The following KDM4C variants were observed in gnomAD, a reference collection of about 807,000 sequenced individuals.
KDM4C encodes lysine demethylase 4C.
KDM4C carries 81 observed loss-of-function variants against 129.3 expected under a neutral mutation model. The ratio of observed to expected loss-of-function variants is 0.63; its 90% CI spans 0.52 to 0.75. The LOEUF is 0.75. Ranked by LOEUF, KDM4C falls within the 30% of genes least tolerant of loss-of-function variation. The probability of loss-of-function intolerance (pLI) is 0.00; values close to 1 mark genes in which losing one functional copy is unlikely to be tolerated. For synonymous variants in KDM4C, 573 were observed against 456.1 expected (o/e 1.26, Z -3.26); for missense variants, 1,457 against 1,304.0 (o/e 1.12, Z -1.81).
chr9:6,865,431 G>C (rs1006362390), intron 5 of KDM4C, among the ~76,000 whole-genome samples: 2 of 152,176 alleles, frequency 1.3e-5, no homozygotes, highest in African/African-American at 4.8e-5. Context: ...TATGTTATTA[G>C]GGCCAGTCAG....
chr9:6,937,435 G>A (rs1825022438), intron 8 of KDM4C, among the ~76,000 whole-genome samples: 1 of 152,026 alleles, frequency 6.6e-6, no homozygotes, highest in Non-Finnish European at 1.5e-5. Context: ...GTTGCAGTTA[G>A]GTTTTGTTTT....
intron 6 of KDM4C, among the ~76,000 whole-genome samples, chr9:6,885,361 G>T (rs1231581050): frequency 6.6e-6 from 1 of 152,138 alleles, no homozygotes; most frequent in Non-Finnish European, 1.5e-5. Flanking sequence ...CCTTTGGATG[G>T]GTATAGCACG....
intron 15 of KDM4C, among the ~76,000 whole-genome samples, chr9:7,020,993 C>G (rs1289367000): frequency 6.6e-6 from 1 of 151,126 alleles, no homozygotes; most frequent in Non-Finnish European, 1.5e-5. Context: ...TACCTCCTAG[C>G]CTCTGGTAAC....
At chr9:6,742,558 CTT>C (rs113102026) in intron 1 of KDM4C, among the ~76,000 whole-genome samples, 21 of 139,324 alleles carry the variant, frequency 1.5e-4, no homozygotes, top group Admixed American at 2.9e-4. Flanking sequence ...GTTTCTTCAA[CTT>C]TTTTTTTTTT....
chr9:6,907,107 G>C (rs1245371859), intron 8 of KDM4C, among the ~76,000 whole-genome samples: 1 of 152,136 alleles, frequency 6.6e-6, no homozygotes, highest in Non-Finnish European at 1.5e-5. Context: ...AAAAATCTCT[G>C]CTATACAGCT....
At chr9:6,878,411 GAT>G (rs2130752356) in intron 5 of KDM4C, among the ~76,000 whole-genome samples, 1 of 152,288 alleles carries the variant, frequency 6.6e-6, no homozygotes, top group Non-Finnish European at 1.5e-5. Context: ...ATTTGGCTAA[GAT>G]AGGAATAGCT....
At chr9:7,130,077 C>T (rs1171078967) in intron 19 of KDM4C, among the ~76,000 whole-genome samples, 1 of 152,166 alleles carries the variant, frequency 6.6e-6, no homozygotes, top group Non-Finnish European at 1.5e-5. Flanking sequence ...TAGAATGAGG[C>T]CCCTGGACTT....
At chr9:6,887,884 C>G (rs1845531355) in intron 6 of KDM4C, 76 bp from the exon 7 acceptor site, 1 of 882,122 alleles carries the variant, frequency 1.1e-6, no homozygotes, top group African/African-American at 1.6e-5. Flanking sequence ...AACACTAGAA[C>G]TTACACATTA....
chr9:7,001,453 T>C (rs1329313169), intron 12 of KDM4C, among the ~76,000 whole-genome samples: 2 of 152,228 alleles, frequency 1.3e-5, no homozygotes, highest in African/African-American at 2.4e-5. Context: ...CAGGAGAAGA[T>C]TGAATCTTTC....
intron 5 of KDM4C, among the ~76,000 whole-genome samples, chr9:6,871,748 C>T (rs1222776219): frequency 6.6e-6 from 1 of 152,050 alleles, no homozygotes; most frequent in East Asian, 1.9e-4. Context: ...TAATTTAGGG[C>T]CTGGCTGTGG....
At chr9:7,036,818 G>C (rs777387915) in intron 15 of KDM4C, among the ~76,000 whole-genome samples, 2 of 152,188 alleles carry the variant, frequency 1.3e-5, no homozygotes, top group African/African-American at 4.8e-5. Flanking sequence ...GTCATTCACT[G>C]TGTTGCTCAG....
In KDM4C at chr9:6,835,447, C is replaced by T. The variant is rs561905201; in HGVS notation, c.436-14060C>T. 7.6e-5 allele frequency: 92 copies of T among 1,202,854 alleles called. No individual in the cohort carries two copies. In the South Asian group the frequency reaches 1.1e-3, roughly 14 times the overall value. The allele number at this position is 1,202,854 out of a possible 1,614,324, so 74.5% of individuals were successfully genotyped here. ...GATGAAGATCAAGATCATTGCTCCT[C>T]CTGAGCTCAAGCACTCTGTGTGGAT... On this transcript the variant is annotated intron_variant, in intron 4 of 21. Transcript: ENST00000381309.
Position 7,110,002 on chromosome 9 carries a change from C to A in KDM4C, c.2610+6132C>A, listed in dbSNP as rs114675192. Among the ~76,000 whole-genome samples the A allele has an allele frequency of 1.5e-3, 221 of 152,276 alleles. 2 individuals are homozygous for A. The highest frequency in any genetic ancestry group is 5.0e-3 in the African/African-American group (207 of 41,548). The stretch of plus-strand genomic sequence containing the variant: ...CTGTCCTGTGAGGAGGTGCCTTCTG[C>A]CTGAGGCCTCCCCAGCCATGTGGAA... On this transcript the variant is annotated intron_variant, in intron 18 of 21. Coordinates refer to ENST00000381309, the MANE Select transcript of KDM4C (RefSeq NM_015061.6).
intron 8 of KDM4C, among the ~76,000 whole-genome samples, chr9:6,978,433 G>A (rs1405738623): frequency 6.6e-6 from 1 of 152,066 alleles, no homozygotes; most frequent in Non-Finnish European, 1.5e-5. Context: ...AGTATAGGTG[G>A]GTTTTCTGGT....
chr9:6,838,892 C>G (rs1836379650), intron 4 of KDM4C, among the ~76,000 whole-genome samples: 1 of 152,090 alleles, frequency 6.6e-6, no homozygotes, highest in Non-Finnish European at 1.5e-5. Flanking sequence ...AAAGTGTAGA[C>G]CAGAACTTTC....
intron 15 of KDM4C, among the ~76,000 whole-genome samples, chr9:7,021,290 G>A (rs989954970): frequency 2.0e-5 from 3 of 151,718 alleles, no homozygotes; most frequent in South Asian, 2.1e-4. Flanking sequence ...GATTACAGGC[G>A]CATGCCACCA....
chr9:6,955,690 T>C (rs1414414646), intron 8 of KDM4C, among the ~76,000 whole-genome samples: 2 of 152,224 alleles, frequency 1.3e-5, no homozygotes, highest in Non-Finnish European at 2.9e-5. Flanking sequence ...AAAATAGTTA[T>C]AATCTTTTGG....
chr9:6,954,187 A>T (rs774700244), intron 8 of KDM4C, among the ~76,000 whole-genome samples: 2 of 152,196 alleles, frequency 1.3e-5, no homozygotes, highest in Non-Finnish European at 2.9e-5. Context: ...CTGATCCTAT[A>T]TATCTTTCAG....
At chr9:7,010,271 C>G (rs1010817916) in intron 12 of KDM4C, among the ~76,000 whole-genome samples, 2 of 152,136 alleles carry the variant, frequency 1.3e-5, no homozygotes, top group African/African-American at 4.8e-5. Flanking sequence ...ATACTCTACC[C>G]ATGGGTGAAT....
Sources: allele counts gnomAD v4.1 joint callset (sites outside exome capture counted in the v4.1 genomes callset), GRCh38; gene constraint gnomAD v4.1.1; transcripts MANE v1.5; gene names NCBI Gene and HGNC (gene_info 2026-07-23, HGNC 2026-07-21).